The following MCOLN2 variants were observed in gnomAD, a reference collection of about 807,000 sequenced individuals.
MCOLN2 encodes the protein mucolipin-2.
MCOLN2 carries 57 observed loss-of-function variants against 67.5 expected under a neutral mutation model. That is an observed-to-expected ratio of 0.84 (90% CI 0.68 to 1.05). The LOEUF (loss-of-function observed/expected upper bound fraction) is 1.05, where lower values mean the gene tolerates loss of function less well. Ranked by LOEUF, MCOLN2 falls within the 50% of genes least tolerant of loss-of-function variation. The pLI is 0.00. For missense variants in MCOLN2, 620 were observed against 678.8 expected (o/e 0.91, Z 0.96); for synonymous variants, 246 against 233.3 (o/e 1.05, Z -0.50).
intron 11 of MCOLN2, among the ~76,000 whole-genome samples, chr1:84,933,261 AC>A (rs1352148863): frequency 6.6e-6 from 1 of 152,084 alleles, no homozygotes; most frequent in East Asian, 1.9e-4. Context: ...TTGTTTTTAT[AC>A]ACACTTCCCT....
At chr1:84,953,978 C>A (rs1320167275) in intron 4 of MCOLN2, among the ~76,000 whole-genome samples, 1 of 152,184 alleles carries the variant, frequency 6.6e-6, no homozygotes, top group Admixed American at 6.5e-5. Flanking sequence ...AGTAGGTGTT[C>A]ATGAATCTTG....
intron 1 of MCOLN2, among the ~76,000 whole-genome samples, chr1:84,993,163 T>C (rs1165284374): frequency 6.6e-6 from 1 of 152,240 alleles, no homozygotes; most frequent in Non-Finnish European, 1.5e-5. Flanking sequence ...AGATTCCATC[T>C]CAAGAAACCA....
At chr1:84,990,399 T>C (rs943102682) in intron 1 of MCOLN2, among the ~76,000 whole-genome samples, 1 of 151,254 alleles carries the variant, frequency 6.6e-6, no homozygotes, top group Non-Finnish European at 1.5e-5. Context: ...TGTAACTAAC[T>C]TGCACATTGT....
At chr1:84,993,266 C>G (rs1402190294) in intron 1 of MCOLN2, among the ~76,000 whole-genome samples, 8 of 152,216 alleles carry the variant, frequency 5.3e-5, no homozygotes, top group Non-Finnish European at 8.8e-5. Context: ...GGCTTCTCTT[C>G]TAGTTTTCTG....
At chr1:84,977,130 A>T (rs11588919) in intron 1 of MCOLN2, among the ~76,000 whole-genome samples, 21,244 of 151,406 alleles carry the variant, frequency 0.14, 1,690 homozygotes, top group East Asian at 0.26. Flanking sequence ...TTTATTAGTT[A>T]TTTTTTTTGC....
chr1:84,972,543 G>A (rs939395339), intron 1 of MCOLN2, among the ~76,000 whole-genome samples: 6 of 152,300 alleles, frequency 3.9e-5, no homozygotes, highest in South Asian at 2.1e-4. Flanking sequence ...GGCTGAGACT[G>A]GTACTGTGGT....
chr1:84,987,474 A>ATG (rs1557665489), intron 1 of MCOLN2, among the ~76,000 whole-genome samples: 1 of 21,882 alleles, frequency 4.6e-5, no homozygotes, highest in African/African-American at 2.6e-4. Flanking sequence ...ATATATAGAT[A>ATG]TATATACATA....
intron 1 of MCOLN2, among the ~76,000 whole-genome samples, chr1:84,975,838 T>C (rs1649966615): frequency 6.6e-6 from 1 of 152,028 alleles, no homozygotes; most frequent in African/African-American, 2.4e-5. Context: ...ATTGACATAA[T>C]TAAAAAGAAT....
chr1:84,988,472 T>C (rs555296339), intron 1 of MCOLN2, among the ~76,000 whole-genome samples: 2 of 152,192 alleles, frequency 1.3e-5, no homozygotes, highest in South Asian at 2.1e-4. Context: ...GTGATTCTAA[T>C]GTGTAGCAAA....
At chr1:84,930,286 TA>T (rs1262362530) in intron 12 of MCOLN2, among the ~76,000 whole-genome samples, 1 of 151,370 alleles carries the variant, frequency 6.6e-6, no homozygotes, top group Non-Finnish European at 1.5e-5. Flanking sequence ...AAAAAAAGTC[TA>T]AACTTTTAAT....
intron 2 of MCOLN2, among the ~76,000 whole-genome samples, chr1:84,963,905 G>A (rs1025457383): frequency 6.6e-6 from 1 of 152,108 alleles, no homozygotes; most frequent in Non-Finnish European, 1.5e-5. Context: ...TTTATGCCTG[G>A]GTAAATTAGA....
chr1:84,954,874 A>G (rs565015021), intron 4 of MCOLN2, among the ~76,000 whole-genome samples: 1 of 152,372 alleles, frequency 6.6e-6, no homozygotes, highest in South Asian at 2.1e-4. Flanking sequence ...AAGTAAAAAT[A>G]TATACAAGGT....
chr1:84,953,550 CAAAAA>C (rs138750958), intron 4 of MCOLN2, among the ~76,000 whole-genome samples: 120 of 118,402 alleles, frequency 1.0e-3, no homozygotes, highest in African/African-American at 3.4e-3. Flanking sequence ...AACTCTATCT[CAAAAA>C]AAAAAAAAAA....
intron 1 of MCOLN2, among the ~76,000 whole-genome samples, chr1:84,985,193 G>A (rs546102907): frequency 6.6e-6 from 1 of 152,086 alleles, no homozygotes; most frequent in South Asian, 2.1e-4. Flanking sequence ...CAAACACTGG[G>A]TTCCCATTTC....
chr1:84,939,737 A>AC (rs756891925), intron 8 of MCOLN2, 35 bp from the exon 9 acceptor site: 1 of 1,611,140 alleles, frequency 6.2e-7, no homozygotes, highest in African/African-American at 1.3e-5. Context: ...TTTCTTACAA[A>AC]CCACACTGCC....
chr1:84,962,656 C>T (rs575170052), intron 2 of MCOLN2, among the ~76,000 whole-genome samples: 64 of 152,164 alleles, frequency 4.2e-4, no homozygotes, highest in Admixed American at 2.0e-3. Flanking sequence ...TCAAATAGTA[C>T]CTGAAAGGTG....
chr1:84,953,148 C>A (rs1249330469), intron 4 of MCOLN2, among the ~76,000 whole-genome samples: 1 of 152,048 alleles, frequency 6.6e-6, no homozygotes, highest in Non-Finnish European at 1.5e-5. Context: ...GGAGAATGTT[C>A]TTGTTTTGGG....
intron 2 of MCOLN2, among the ~76,000 whole-genome samples, chr1:84,962,522 G>A (rs1649145278): frequency 6.6e-6 from 1 of 152,178 alleles, no homozygotes; most frequent in African/African-American, 2.4e-5. Flanking sequence ...CAGCCTGGGT[G>A]ACACAGAGAG....
At chr1:84,987,074 A>C (rs2102885886) in intron 1 of MCOLN2, among the ~76,000 whole-genome samples, 1 of 152,188 alleles carries the variant, frequency 6.6e-6, no homozygotes, top group South Asian at 2.1e-4. Flanking sequence ...ATACTTGTAC[A>C]CGCATGTTTA....
Sources: gnomAD v4.1 joint callset for allele counts (sites outside exome capture counted in the v4.1 genomes callset) on GRCh38, gnomAD v4.1.1 for gene constraint, MANE v1.5 for transcripts, NCBI Gene and HGNC (gene_info 2026-07-23, HGNC 2026-07-21) for gene names.